The following ANP32B variants were observed in gnomAD, a reference collection of about 807,000 sequenced individuals.
ANP32B encodes the protein acidic leucine-rich nuclear phosphoprotein 32 family member B.
Under a neutral mutation model 32.2 loss-of-function variants are expected in ANP32B, and 6 were observed. The ratio of observed to expected loss-of-function variants is 0.19; its 90% CI spans 0.10 to 0.37. The LOEUF (loss-of-function observed/expected upper bound fraction) is 0.37, where lower values mean the gene tolerates loss of function less well. Among genes scored for constraint, ANP32B ranks in the 10% least tolerant of loss-of-function variants. The pLI, the probability that ANP32B is intolerant of heterozygous loss-of-function variation, is 1.00. For synonymous variants in ANP32B, 98 were observed against 105.8 expected, an observed-to-expected ratio of 0.93 and a Z score of 0.45; for missense variants, 204 against 289.2, an observed-to-expected ratio of 0.71 and a Z score of 2.14.
intron 4 of ANP32B, among the ~76,000 whole-genome samples, chr9:98,006,668 A>G (rs2131590091): frequency 6.6e-6 from 1 of 152,338 alleles, no homozygotes; most frequent in African/African-American, 2.4e-5. Context: ...ATGTGGCAAC[A>G]AGCTATCCAA....
intron 1 of ANP32B, among the ~76,000 whole-genome samples, chr9:97,985,564 C>T (rs183197959): frequency 1.6e-4 from 25 of 152,236 alleles, no homozygotes; most frequent in Admixed American, 1.4e-3. Flanking sequence ...ATTGCAAATC[C>T]GTAGAATATG....
intron 4 of ANP32B, among the ~76,000 whole-genome samples, chr9:98,009,537 A>G (rs949403826): frequency 6.6e-6 from 1 of 152,230 alleles, no homozygotes; most frequent in African/African-American, 2.4e-5. Context: ...CTCATAAGGA[A>G]TGCACAGTCC....
chr9:97,994,432 C>G (rs1032760158), intron 1 of ANP32B, among the ~76,000 whole-genome samples, 199 bp from the exon 2 acceptor site: 3 of 152,152 alleles, frequency 2.0e-5, no homozygotes, highest in African/African-American at 7.2e-5. Context: ...GAATAATATT[C>G]CATCTTTGAA....
rs529545586 is a variant in ANP32B, at chr9:97,997,651, G to GC, written c.205-904dup. ...TCAGATGAGTTAAGGTATTTCTAGTGCTTTGAGCAGTGCCTGGCATTTAAA... is the reference window on the plus strand; with the variant it reads ...TCAGATGAGTTAAGGTATTTCTAGTGCCTTTGAGCAGTGCCTGGCATTTAAA... On this transcript the variant is annotated intron_variant, in intron 2 of 6. Coordinates refer to ENST00000339399, the MANE Select transcript of ANP32B (RefSeq NM_006401.3). Among the ~76,000 whole-genome samples the GC allele has an allele frequency of 2.6e-4, 40 of 152,346 alleles. No homozygotes were observed. The South Asian group carries it at 7.0e-3, about 27-fold the overall frequency.
At position 98,015,635 on chromosome 9, in the gene ANP32B, G is replaced by A. The variant is rs1396392867; in HGVS notation, c.*204G>A. On this transcript the variant is annotated 3_prime_UTR_variant, in exon 7 of 7. Transcript: ENST00000339399. ...TTGGTAATCTACCACCAAGCTTGTG[G>A]ACTTCACCCCAACAAAATTGTAAGC... 1.0e-5 allele frequency: 13 copies of A among 1,276,210 alleles called. No individual in the cohort carries two copies. In the East Asian group the frequency reaches 4.1e-4, roughly 40 times the overall value. 79.1% of individuals were successfully genotyped at this position (1,276,210 alleles called of 1,614,324 possible). A position where few individuals can be genotyped will look rare whatever the true frequency, so the allele number is the denominator to read the frequency against.
Position 97,991,262 on chromosome 9 carries a change from T to C in ANP32B, c.55-3369T>C, listed in dbSNP as rs115079991. 5.0e-3 allele frequency among the ~76,000 whole-genome samples: 753 copies of C among 151,820 alleles called. 11 individuals are homozygous for C. Among genetic ancestry groups the C allele is most frequent in the African/African-American group, 0.017 (718 of 41,346 alleles). On this transcript the variant is annotated intron_variant, in intron 1 of 6. Coordinates refer to ENST00000339399, the MANE Select transcript of ANP32B (RefSeq NM_006401.3). ...TCTCAAGTAGCTCGGACCACAGGCA[T>C]GCACCACCATGCCCAGATAATTATT... is the stretch of plus-strand genomic sequence containing the variant.
chr9:97,983,781 T>A (rs2131576703), intron 1 of ANP32B, among the ~76,000 whole-genome samples, 172 bp downstream of exon 1: 1 of 150,206 alleles, frequency 6.7e-6, no homozygotes, highest in East Asian at 2.1e-4. Flanking sequence ...CGCGCGAGGA[T>A]TAACTCTTTG....
At chr9:97,998,412 A>G (rs1587874955) in intron 2 of ANP32B, 144 bp from the exon 3 acceptor site, 1 of 819,002 alleles carries the variant, frequency 1.2e-6, no homozygotes. Flanking sequence ...TTTAAACAAA[A>G]TGAACATGCA....
intron 1 of ANP32B, 22 bp from the exon 2 acceptor site, chr9:97,994,609 C>CTT (rs3215934): frequency 1.3e-6 from 2 of 1,584,936 alleles, no homozygotes; most frequent in South Asian, 2.3e-5. Flanking sequence ...AGAGCTTATC[C>CTT]TTTTTTCTTT....
intron 3 of ANP32B, among the ~76,000 whole-genome samples, chr9:98,002,960 A>T (rs1421908342): frequency 6.6e-6 from 1 of 152,226 alleles, no homozygotes; most frequent in African/African-American, 2.4e-5. Flanking sequence ...TCTAGCTGGC[A>T]TCGAGTCAGC....
At chr9:97,985,604 A>G (rs1202504500) in intron 1 of ANP32B, among the ~76,000 whole-genome samples, 2 of 152,206 alleles carry the variant, frequency 1.3e-5, no homozygotes, top group African/African-American at 4.8e-5. Flanking sequence ...AAGTGCCCGC[A>G]AGAGAAGTAC....
At chr9:98,002,312 A>C (rs546524723) in intron 3 of ANP32B, 1 of 152,164 alleles carries the variant, frequency 6.6e-6, no homozygotes, top group Non-Finnish European at 1.5e-5. Context: ...CATCAATTCA[A>C]ACTTCCTTGG....
In ANP32B at chr9:98,015,645, C is replaced by T; in HGVS notation, c.*214C>T. The T allele has an allele frequency of 8.0e-7, 1 of 1,253,292 alleles. No individual in the cohort carries two copies. Among genetic ancestry groups the T allele is most frequent in the South Asian group, 2.3e-5 (1 of 43,882 alleles). 77.6% of individuals were successfully genotyped at this position (1,253,292 alleles called of 1,614,324 possible). ...ACCACCAAGCTTGTGGACTTCACCC[C>T]AACAAAATTGTAAGCGTTGTTAGGT... On this transcript the variant is annotated 3_prime_UTR_variant, in exon 7 of 7. Transcript: ENST00000339399.
rs1828265963 is a variant in ANP32B, at chr9:98,015,617, T to C, written c.*186T>C. 1 of 1,314,284 alleles carries C rather than the reference T, an allele frequency of 7.6e-7. No homozygotes were observed. Among genetic ancestry groups the C allele is most frequent in the African/African-American group, 1.5e-5 (1 of 67,390 alleles). 81.4% of individuals were successfully genotyped at this position (1,314,284 alleles called of 1,614,324 possible). On this transcript the variant is annotated 3_prime_UTR_variant, in exon 7 of 7. Transcript: ENST00000339399. ...CCTTCCATGTAGTCCCTCTTGGTAA[T>C]CTACCACCAAGCTTGTGGACTTCAC...
In ANP32B at chr9:98,011,263, A is replaced by G. The variant is rs143389810; in HGVS notation, c.518-8A>G. ...ATATTTAATGAATCCCTTTTGGACT[A>G]TTTTTAGAAGGAGAAGATGAGGAAG... On this transcript the variant is annotated splice_region_variant and splice_polypyrimidine_tract_variant and intron_variant, in intron 4 of 6. Coordinates refer to ENST00000339399, the MANE Select transcript of ANP32B (RefSeq NM_006401.3). 362 of 1,551,378 alleles carry G rather than the reference A, an allele frequency of 2.3e-4. 2 individuals are homozygous for G. Among genetic ancestry groups the G allele is most frequent in the East Asian group, 1.4e-3 (56 of 40,912 alleles).
intron 1 of ANP32B, among the ~76,000 whole-genome samples, chr9:97,991,910 T>C (rs1827830375): frequency 6.6e-6 from 1 of 152,268 alleles, no homozygotes; most frequent in Non-Finnish European, 1.5e-5. Context: ...GTCCCTTTTA[T>C]GTCCAGGTTT....
At chr9:98,008,459 T>A (rs1461218880) in intron 4 of ANP32B, among the ~76,000 whole-genome samples, 1 of 152,226 alleles carries the variant, frequency 6.6e-6, no homozygotes, top group Non-Finnish European at 1.5e-5. Flanking sequence ...TTGTTCATGC[T>A]TGAAGAGGAT....
chr9:98,005,548 T>C (rs1283915563), intron 4 of ANP32B, among the ~76,000 whole-genome samples: 2 of 152,122 alleles, frequency 1.3e-5, no homozygotes, highest in Non-Finnish European at 2.9e-5. Flanking sequence ...ATGTTCTTAC[T>C]ATTGAGGAAA....
intron 6 of ANP32B, among the ~76,000 whole-genome samples, chr9:98,014,203 C>G (rs143283770): frequency 6.6e-6 from 1 of 151,992 alleles, no homozygotes; most frequent in African/African-American, 2.4e-5. Flanking sequence ...GTCAGGAGAT[C>G]GAGACCATCC....
Sources: allele counts gnomAD v4.1 joint callset (sites outside exome capture counted in the v4.1 genomes callset), GRCh38; gene constraint gnomAD v4.1.1; transcripts MANE v1.5; gene names NCBI Gene and HGNC (gene_info 2026-07-23, HGNC 2026-07-21).